RAPGEF6: variants seen among roughly 807,000 people sequenced by gnomAD.
RAPGEF6 encodes Rap guanine nucleotide exchange factor 6, also known as PDZ domain containing guanine nucleotide exchange factor (GEF) 2.
Under a neutral mutation model 171.4 loss-of-function variants are expected in RAPGEF6, and 56 were observed. The ratio of observed to expected loss-of-function variants is 0.33; its 90% CI spans 0.26 to 0.41. The LOEUF is 0.41. Ranked by LOEUF, RAPGEF6 falls within the 10% of genes least tolerant of loss-of-function variation. RAPGEF6 has a pLI of 1.00. For synonymous variants in RAPGEF6, 692 were observed against 650.1 expected, an observed-to-expected ratio of 1.06 and a Z score of -0.98; for missense variants, 1,674 against 1,921.4, an observed-to-expected ratio of 0.87 and a Z score of 2.41.
intron 3 of RAPGEF6, among the ~76,000 whole-genome samples, chr5:131,594,877 C>T (rs1257105867): frequency 1.3e-5 from 2 of 150,368 alleles, no homozygotes; most frequent in South Asian, 4.3e-4. Context: ...GGAGCATTTA[C>T]CCCATGCCTG....
chr5:131,468,981 C>G (rs1754566820), intron 17 of RAPGEF6, among the ~76,000 whole-genome samples: 1 of 151,990 alleles, frequency 6.6e-6, no homozygotes, highest in Non-Finnish European at 1.5e-5. Context: ...TTTCAAAACT[C>G]AAAATATAAT....
chr5:131,588,684 G>A (rs1208671607), intron 4 of RAPGEF6, among the ~76,000 whole-genome samples: 1 of 151,804 alleles, frequency 6.6e-6, no homozygotes, highest in Non-Finnish European at 1.5e-5. Flanking sequence ...CAGAGGTTGA[G>A]GTGAGCCGAG....
Position 131,634,966 on chromosome 5 carries a change from G to C in RAPGEF6, c.65C>G (p.Pro22Arg). 1 of 1,614,100 alleles carries C rather than the reference G, an allele frequency of 6.2e-7. No homozygotes were observed. Among genetic ancestry groups the C allele is most frequent in the Non-Finnish European group, 8.5e-7 (1 of 1,179,942 alleles). Residue 22 changes from proline to arginine, a missense_variant, in exon 1 of 28, where the codon CCC (proline) becomes CGC (arginine). Physicochemically the swap from Pro to Arg is moderately radical, Grantham distance 103. Coordinates refer to ENST00000509018, the MANE Select transcript of RAPGEF6 (RefSeq NM_016340.6). ...ATAAAGGTCAACCAGCCTCACCTCG[G>C]GAGTCCGCTCGGGTGGCTTCTTCCT... ...ALRKKPPERT[P>R]EDLNTIYSYL...
intron 1 of RAPGEF6, among the ~76,000 whole-genome samples, chr5:131,619,715 G>A (rs944973605): frequency 1.3e-5 from 2 of 151,938 alleles, no homozygotes; most frequent in Admixed American, 1.3e-4. Context: ...ATCTCTCTTC[G>A]AATTCTCTAC....
chr5:131,454,757 G>A (rs1475839957), intron 20 of RAPGEF6, among the ~76,000 whole-genome samples: 1 of 151,902 alleles, frequency 6.6e-6, no homozygotes, highest in Non-Finnish European at 1.5e-5. Context: ...ATCGGAATAA[G>A]AAACAAAAAC....
At chr5:131,498,287 T>C (rs1028187361) in intron 12 of RAPGEF6, among the ~76,000 whole-genome samples, 156 bp downstream of exon 12, 2 of 152,216 alleles carry the variant, frequency 1.3e-5, no homozygotes, top group Admixed American at 6.5e-5. Context: ...GTCATAAAAG[T>C]AAGCAGAGAA....
Position 131,427,258 on chromosome 5 carries a change from TC to T in RAPGEF6, c.*7del. 1 of 1,609,108 alleles carries T rather than the reference TC, an allele frequency of 6.2e-7. No homozygotes were observed. The highest frequency in any genetic ancestry group is 8.5e-7 in the Non-Finnish European group (1 of 1,175,546). ...CTTTCAGTGGTTTTCAAATAGGTCA[TC>T]CAAAGGCTAGACTGCTGAAACTTGT... On this transcript the variant is annotated 3_prime_UTR_variant, in exon 28 of 28. Coordinates refer to ENST00000509018, the MANE Select transcript of RAPGEF6 (RefSeq NM_016340.6).
chr5:131,494,540 C>A (rs1485503165), intron 13 of RAPGEF6, among the ~76,000 whole-genome samples: 1 of 152,084 alleles, frequency 6.6e-6, no homozygotes, highest in East Asian at 1.9e-4. Flanking sequence ...GGATGCAGAA[C>A]TGGAAAATAA....
chr5:131,510,613 G>A, intron 7 of RAPGEF6, 122 bp from the exon 8 acceptor site: 1 of 817,208 alleles, frequency 1.2e-6, no homozygotes, highest in Admixed American at 2.9e-5. Flanking sequence ...GCTGGATGCT[G>A]CATCAAGAAT....
chr5:131,431,226 A>G lies in RAPGEF6; in HGVS notation c.4098T>C (p.Thr1366=). The change falls in exon 26 of 28, where the codon ACT becomes ACC. Residue 1366 remains threonine, a synonymous_variant. Transcript: ENST00000509018. ...EAADSGRGSW[T]SCSSSSHDNF... ...TGTCATGGGAGCTGCTTGAACACGA[A>G]GTCCAACTTCCACGACCACTGTCAG... The G allele has an allele frequency of 6.2e-7, 1 of 1,614,200 alleles. No individual in the cohort carries two copies. The highest frequency in any genetic ancestry group is 1.1e-5 in the South Asian group (1 of 91,088).
chr5:131,504,797 G>T lies in RAPGEF6; in HGVS notation c.1102-19C>A. 10 of 1,602,230 alleles carry T rather than the reference G, an allele frequency of 6.2e-6. No individual in the cohort carries two copies. Among genetic ancestry groups the T allele is most frequent in the Non-Finnish European group, 8.5e-6 (10 of 1,174,392 alleles). ...AGACAAACTGTCCAAGAACAACATGGGGACAGTTAATGAACCTATAGTACA... is the reference window on the plus strand; with the variant it reads ...AGACAAACTGTCCAAGAACAACATGTGGACAGTTAATGAACCTATAGTACA... On this transcript the variant is annotated intron_variant, in intron 10 of 27. Transcript: ENST00000509018.
At chr5:131,493,663 C>CA (rs1756443550) in intron 13 of RAPGEF6, among the ~76,000 whole-genome samples, 1 of 151,614 alleles carries the variant, frequency 6.6e-6, no homozygotes, top group Non-Finnish European at 1.5e-5. Context: ...ATGTCCATAA[C>CA]AAAAAGCTAA....
chr5:131,544,395 G>A (rs1024832830), intron 6 of RAPGEF6, among the ~76,000 whole-genome samples: 12 of 152,012 alleles, frequency 7.9e-5, no homozygotes, highest in East Asian at 5.8e-4. Context: ...TGATGCACAC[G>A]ACAGGGAAAG....
intron 6 of RAPGEF6, among the ~76,000 whole-genome samples, chr5:131,538,579 T>C (rs1759928235): frequency 6.6e-6 from 1 of 152,144 alleles, no homozygotes; most frequent in African/African-American, 2.4e-5. Context: ...TACTACACCA[T>C]TTTATAAAAG....
intron 15 of RAPGEF6, among the ~76,000 whole-genome samples, chr5:131,488,759 A>G (rs1341006457): frequency 6.6e-6 from 1 of 152,174 alleles, no homozygotes; most frequent in Admixed American, 6.5e-5. Flanking sequence ...TACTTCTCAA[A>G]TTGTAACCTA....
intron 22 of RAPGEF6, among the ~76,000 whole-genome samples, chr5:131,444,795 T>C (rs996723172): frequency 5.9e-5 from 9 of 152,128 alleles, no homozygotes; most frequent in Non-Finnish European, 1.2e-4. Flanking sequence ...TGATTAAGTC[T>C]ACATCAAATT....
chr5:131,479,983 A>G (rs1358745877), intron 15 of RAPGEF6, among the ~76,000 whole-genome samples: 1 of 152,166 alleles, frequency 6.6e-6, no homozygotes, highest in Non-Finnish European at 1.5e-5. Flanking sequence ...TAATAAAAGG[A>G]AAGTCAGTGG....
chr5:131,547,400 C>G (rs1328483383), intron 6 of RAPGEF6, among the ~76,000 whole-genome samples: 1 of 152,096 alleles, frequency 6.6e-6, no homozygotes, highest in African/African-American at 2.4e-5. Flanking sequence ...AACCTCTCCC[C>G]TCAAAAATAC....
intron 6 of RAPGEF6, among the ~76,000 whole-genome samples, chr5:131,544,054 C>T (rs1760340513): frequency 6.6e-6 from 1 of 152,102 alleles, no homozygotes; most frequent in East Asian, 1.9e-4. Flanking sequence ...TCTGACAATA[C>T]CAAGTGTTGG....
Sources: allele counts gnomAD v4.1 joint callset (sites outside exome capture counted in the v4.1 genomes callset), GRCh38; gene constraint gnomAD v4.1.1; transcripts MANE v1.5; gene names NCBI Gene and HGNC (gene_info 2026-07-23, HGNC 2026-07-21).